The following SIL1 variants were observed in gnomAD, a reference collection of about 807,000 sequenced individuals.
SIL1 encodes the protein nucleotide exchange factor SIL1.
Under a neutral mutation model 49.1 loss-of-function variants are expected in SIL1, and 40 were observed. The observed-to-expected ratio is 0.81, with a 90% CI of 0.63 to 1.06. The LOEUF (loss-of-function observed/expected upper bound fraction) is 1.06. Among genes scored for constraint, SIL1 ranks in the 50% least tolerant of loss-of-function variants. The pLI is 0.00. For missense variants in SIL1, 500 were observed against 572.6 expected, an observed-to-expected ratio of 0.87 and a Z score of 1.29; for synonymous variants, 253 against 250.8, an observed-to-expected ratio of 1.01 and a Z score of -0.08.
intron 1 of SIL1, among the ~76,000 whole-genome samples, chr5:139,139,456 C>T (rs867554436): frequency 3.9e-5 from 6 of 152,226 alleles, no homozygotes; most frequent in Non-Finnish European, 5.9e-5. Context: ...TATCTGCTAA[C>T]TGGTAAGTAC....
At chr5:139,163,820 T>C (rs1751564104) in intron 1 of SIL1, among the ~76,000 whole-genome samples, 1 of 152,176 alleles carries the variant, frequency 6.6e-6, no homozygotes, top group Admixed American at 6.6e-5. Flanking sequence ...GCACTGTAAG[T>C]AGATATTATC....
chr5:139,096,855 C>G (rs553948839), intron 3 of SIL1, among the ~76,000 whole-genome samples: 1 of 152,046 alleles, frequency 6.6e-6, no homozygotes, highest in Admixed American at 6.5e-5. Flanking sequence ...GACAGCTCAG[C>G]CACAGGTGGG....
chr5:139,190,214 G>A (rs113758707), intron 1 of SIL1, among the ~76,000 whole-genome samples: 9 of 152,282 alleles, frequency 5.9e-5, no homozygotes, highest in South Asian at 2.1e-4. Context: ...TGTCTTGAAG[G>A]TTTGCTTGGA....
chr5:139,106,518 C>T (rs952774521), intron 3 of SIL1, among the ~76,000 whole-genome samples: 1 of 152,154 alleles, frequency 6.6e-6, no homozygotes, highest in African/African-American at 2.4e-5. Context: ...ATAGCTTAGC[C>T]ATTGAGTTAA....
chr5:139,074,325 G>A (rs1330843895), intron 3 of SIL1, among the ~76,000 whole-genome samples: 1 of 152,130 alleles, frequency 6.6e-6, no homozygotes, highest in Non-Finnish European at 1.5e-5. Context: ...CCAAAGTGCT[G>A]GGATTATAGG....
At chr5:139,108,474 T>C (rs1033873919) in intron 3 of SIL1, among the ~76,000 whole-genome samples, 15 of 152,192 alleles carry the variant, frequency 9.9e-5, no homozygotes, top group Non-Finnish European at 1.8e-4. Flanking sequence ...TTAGGATCTT[T>C]GGGAAAGTTG....
intron 7 of SIL1, among the ~76,000 whole-genome samples, chr5:138,991,019 A>G (rs542109803): frequency 7.9e-5 from 12 of 152,192 alleles, no homozygotes; most frequent in Non-Finnish European, 1.6e-4. Context: ...CCCCACCCCC[A>G]GCCGGCTTTT....
At chr5:139,056,654 AGCCCCCCGCCTG>A (rs1311751393) in intron 3 of SIL1, among the ~76,000 whole-genome samples, 1 of 142,008 alleles carries the variant, frequency 7.0e-6, no homozygotes, top group Non-Finnish European at 1.5e-5. Flanking sequence ...TGGGGGGGTC[AGCCCCCCGCCTG>A]GCCAGCCGCC....
chr5:139,193,296 G>C (rs1752208903), intron 1 of SIL1, among the ~76,000 whole-genome samples: 1 of 152,172 alleles, frequency 6.6e-6, no homozygotes, highest in South Asian at 2.1e-4. Flanking sequence ...GGGCACGATG[G>C]CTCATGCCTG....
chr5:139,041,040 C>A (rs760059162), intron 5 of SIL1, among the ~76,000 whole-genome samples: 10 of 152,128 alleles, frequency 6.6e-5, no homozygotes, highest in Non-Finnish European at 8.8e-5. Flanking sequence ...ATCAGTCCCA[C>A]ATGGAACCGA....
At position 138,947,449 on chromosome 5, in the gene SIL1, G is replaced by A; in HGVS notation, c.1054C>T (p.Leu352=). ...TTCTCTGGGGACATCTCCTGGGTCA[G>A]CTCAGCCTCCTCCTCGGCGAACATC... ...EKMFAEEEAE[L]TQEMSPEKLQ... is the part of the protein sequence containing the mutation. The change falls in exon 10 of 10, where the codon CTG becomes TTG. Residue 352 remains leucine (L), a synonymous_variant. Coordinates refer to ENST00000394817, the MANE Select transcript of SIL1 (RefSeq NM_022464.5). The surrounding 1 kb of genome is among the most constrained non-coding windows in gnomAD (Gnocchi z 4.1). The A allele has an allele frequency of 6.2e-7, 1 of 1,613,490 alleles. No homozygotes were observed. Among genetic ancestry groups the A allele is most frequent in the South Asian group, 1.1e-5 (1 of 91,076 alleles).
At chr5:139,121,277 C>T (rs1194858646) in intron 2 of SIL1, 104 bp from the exon 3 acceptor site, 2 of 1,484,030 alleles carry the variant, frequency 1.3e-6, no homozygotes, top group Non-Finnish European at 1.9e-6. Context: ...TGCCCCTCTC[C>T]CCCACAGCCT....
intron 3 of SIL1, among the ~76,000 whole-genome samples, chr5:139,111,970 G>C (rs1242383187): frequency 6.6e-6 from 1 of 152,214 alleles, no homozygotes; most frequent in African/African-American, 2.4e-5. Context: ...TCAGCCTGCC[G>C]AGCGCCTGCG....
At chr5:139,027,686 C>T (rs563718636) in intron 5 of SIL1, among the ~76,000 whole-genome samples, 3 of 152,278 alleles carry the variant, frequency 2.0e-5, no homozygotes, top group Admixed American at 6.5e-5. Context: ...GAATAAAAGA[C>T]TTTAATTAAA....
At chr5:138,994,939 C>G (rs1767831691) in intron 7 of SIL1, among the ~76,000 whole-genome samples, 1 of 152,170 alleles carries the variant, frequency 6.6e-6, no homozygotes, top group Non-Finnish European at 1.5e-5. Context: ...TCAGCTCCCA[C>G]TTATAAGTGA....
chr5:138,986,522 T>C (rs547462438), intron 7 of SIL1, among the ~76,000 whole-genome samples: 8 of 152,360 alleles, frequency 5.3e-5, no homozygotes, highest in Non-Finnish European at 1.0e-4. Context: ...TCCATTTTAA[T>C]AGAGGATAAA....
chr5:138,987,043 T>G (rs1408283469), intron 7 of SIL1, among the ~76,000 whole-genome samples: 1 of 152,008 alleles, frequency 6.6e-6, no homozygotes, highest in African/African-American at 2.4e-5. Context: ...ATTGGGTCAA[T>G]TTGATATTTG....
chr5:139,087,246 A>C (rs1375639477), intron 3 of SIL1, among the ~76,000 whole-genome samples: 1 of 152,140 alleles, frequency 6.6e-6, no homozygotes, highest in Non-Finnish European at 1.5e-5. Context: ...GCATTACTTC[A>C]TTCCTAATCC....
chr5:139,170,031 T>C (rs1310828208), intron 1 of SIL1, among the ~76,000 whole-genome samples: 3 of 152,248 alleles, frequency 2.0e-5, no homozygotes, highest in Non-Finnish European at 4.4e-5. Context: ...CACGCCTGAC[T>C]GGTTTTCGTA....
Sources: allele counts gnomAD v4.1 joint callset (sites outside exome capture counted in the v4.1 genomes callset), GRCh38; gene constraint gnomAD v4.1.1; non-coding constraint Gnocchi (gnomAD v3.1); transcripts MANE v1.5; gene names NCBI Gene and HGNC (gene_info 2026-07-23, HGNC 2026-07-21).